The following MTFR1 variants were observed in gnomAD, a reference collection of about 807,000 sequenced individuals.
MTFR1 encodes mitochondrial fission regulator 1.
Under a neutral mutation model 38.8 loss-of-function variants are expected in MTFR1, and 28 were observed. The ratio of observed to expected loss-of-function variants is 0.72; its 90% CI spans 0.53 to 0.99. The LOEUF (loss-of-function observed/expected upper bound fraction) is 0.99, where lower values mean the gene tolerates loss of function less well. MTFR1 is among the 50% of genes least tolerant of loss of function. The pLI, the probability that MTFR1 is intolerant of heterozygous loss-of-function variation, is 0.00. For synonymous variants in MTFR1, 145 were observed against 137.0 expected (o/e 1.06, Z -0.41); for missense variants, 358 against 395.5 (o/e 0.91, Z 0.81).
At chr8:65,735,043 C>T (rs1276278424) in intron 3 of MTFR1, 4 of 617,018 alleles carry the variant, frequency 6.5e-6, no homozygotes. Flanking sequence ...AATCACCTCA[C>T]AACTCACATG....
rs563712272 is a variant in MTFR1, at chr8:65,765,317, G to A, written c.*49-5630G>A. On this transcript the variant is annotated intron_variant, in intron 3 of 3. Transcript: ENST00000521247. ...ATCCCGGCTAAAACGGTGAAACCCCGTCTCTACTAAAAATACAAAAAATTA... is the reference window on the plus strand; with the variant it reads ...ATCCCGGCTAAAACGGTGAAACCCCATCTCTACTAAAAATACAAAAAATTA... Among the ~76,000 whole-genome samples, 274 of 150,638 alleles carry A rather than the reference G, an allele frequency of 1.8e-3. 1 individual carries two copies. The highest frequency in any genetic ancestry group is 6.4e-3 in the African/African-American group (264 of 41,046).
At chr8:65,723,605 T>C (rs1448402881) in intron 3 of MTFR1, 3 of 1,565,306 alleles carry the variant, frequency 1.9e-6, no homozygotes, top group South Asian at 2.5e-5. Flanking sequence ...CCAAATGATA[T>C]TTTTTTTCTA....
intron 3 of MTFR1, chr8:65,722,373 A>G (rs996894027): frequency 3.9e-5 from 6 of 152,400 alleles, no homozygotes; most frequent in Admixed American, 2.6e-4. Flanking sequence ...TGCAATCACA[A>G]TGTAAGAATT....
At chr8:65,688,605 C>T (rs374719176) in intron 3 of MTFR1, among the ~76,000 whole-genome samples, 8 of 150,290 alleles carry the variant, frequency 5.3e-5, no homozygotes, top group Non-Finnish European at 8.9e-5. Flanking sequence ...CCCGCCACCA[C>T]GCCCAGCTAA....
chr8:65,768,013 G>A (rs74805159), intron 3 of MTFR1, among the ~76,000 whole-genome samples: 7,381 of 152,120 alleles, frequency 0.049, 240 homozygotes, highest in Non-Finnish European at 0.073. Flanking sequence ...AACCTGTGGG[G>A]TCTGACACTC....
At chr8:65,766,857 T>C (rs1808810919) in intron 3 of MTFR1, among the ~76,000 whole-genome samples, 1 of 152,188 alleles carries the variant, frequency 6.6e-6, no homozygotes, top group Non-Finnish European at 1.5e-5. Context: ...ATGGGTGTAA[T>C]ACTTAGATAT....
chr8:65,718,252 A>G (rs944872018), intron 2 of MTFR1: 2 of 152,298 alleles, frequency 1.3e-5, no homozygotes, highest in African/African-American at 4.8e-5. Flanking sequence ...ATGGAGAAAC[A>G]TAACATGCAC....
At chr8:65,670,049 C>G (rs565326753) in intron 2 of MTFR1, 31 bp downstream of exon 2, 2 of 1,545,648 alleles carry the variant, frequency 1.3e-6, no homozygotes, top group South Asian at 2.5e-5. Context: ...TTTTAAATCC[C>G]GACATTTAGA....
intron 3 of MTFR1, among the ~76,000 whole-genome samples, chr8:65,763,928 AAGATATTT>A (rs773788828): frequency 7.2e-5 from 11 of 152,240 alleles, no homozygotes; most frequent in Non-Finnish European, 1.3e-4. Context: ...CGAGTTAAGG[AAGATATTT>A]AGAAGACAGA....
intron 3 of MTFR1, chr8:65,747,846 T>C (rs200023064): frequency 9.6e-6 from 13 of 1,356,596 alleles, no homozygotes; most frequent in Non-Finnish European, 1.3e-5. Context: ...AAGTTAAAAT[T>C]ATACACATGC....
intron 3 of MTFR1, chr8:65,728,198 A>C (rs1806686854): frequency 6.6e-6 from 1 of 152,234 alleles, no homozygotes; most frequent in African/African-American, 2.4e-5. Flanking sequence ...TCTAACAGTG[A>C]AAATTTTTGA....
intron 3 of MTFR1, among the ~76,000 whole-genome samples, chr8:65,769,158 G>A (rs776094386): frequency 2.7e-5 from 4 of 147,248 alleles, no homozygotes; most frequent in African/African-American, 1.0e-4. Context: ...TGAGGCATGA[G>A]AATTGCTTGA....
At chr8:65,747,568 CTA>C (rs1227458634) in intron 3 of MTFR1, 6 of 803,852 alleles carry the variant, frequency 7.5e-6, no homozygotes. Flanking sequence ...GAAAAAGACT[CTA>C]TAAATCATTA....
intron 4 of MTFR1, among the ~76,000 whole-genome samples, chr8:65,694,084 T>G (rs1489109094): frequency 1.3e-5 from 2 of 150,196 alleles, no homozygotes; most frequent in African/African-American, 4.9e-5. Context: ...TTTTTTTTTT[T>G]TTTTTTTTTA....
chr8:65,676,687 T>C (rs1392482725), intron 2 of MTFR1, among the ~76,000 whole-genome samples: 1 of 151,930 alleles, frequency 6.6e-6, no homozygotes, highest in African/African-American at 2.4e-5. Flanking sequence ...TTTCTTAGAG[T>C]TAAATTTATA....
chr8:65,707,962 A>G lies in MTFR1; in HGVS notation c.884A>G (p.Glu295Gly). ...CGAAGTGATAGCCAAGATGAAGTTGAAAAAGGAATTCCAAAGTCTGAATCA... is the reference window on the plus strand; with the variant it reads ...CGAAGTGATAGCCAAGATGAAGTTGGAAAAGGAATTCCAAAGTCTGAATCA... ...RYRSDSQDEV[E>G]KGIPKSESEA... Residue 295 changes from glutamate to glycine, a missense_variant, in exon 7 of 8, where the codon GAA becomes GGA. Glu to Gly is a moderately conservative substitution (Grantham distance 98). Coordinates refer to ENST00000262146, the MANE Select transcript of MTFR1 (RefSeq NM_014637.4). The G allele has an allele frequency of 6.2e-7, 1 of 1,613,468 alleles. No homozygotes were observed. Among genetic ancestry groups the G allele is most frequent in the Non-Finnish European group, 8.5e-7 (1 of 1,179,686 alleles).
chr8:65,649,431 G>A (rs534677519), intron 1 of MTFR1, among the ~76,000 whole-genome samples: 13 of 152,086 alleles, frequency 8.5e-5, no homozygotes, highest in African/African-American at 3.1e-4. Flanking sequence ...GTGATCCACC[G>A]CCTCAGCCTC....
intron 1 of MTFR1, among the ~76,000 whole-genome samples, chr8:65,655,969 C>CATATATATATA: frequency 0.015 from 861 of 56,464 alleles, 180 homozygotes; most frequent in African/African-American, 0.078. Context: ...TATATATATA[C>CATATATATATA]CATATATATA....
chr8:65,756,051 T>G lies in MTFR1; in HGVS notation c.*49-14896T>G, dbSNP rs73693403. On this transcript the variant is annotated intron_variant, in intron 3 of 3. Coordinates refer to the MTFR1 transcript ENST00000521247. ...AAATATGGAATTCGTGGTTGACAGT[T>G]TTTTGTTTTTGTTTTCAGGACTGAC... 3.6e-3 allele frequency among the ~76,000 whole-genome samples: 542 copies of G among 152,360 alleles called. 3 individuals carry two copies. Among genetic ancestry groups the G allele is most frequent in the African/African-American group, 0.012 (493 of 41,580 alleles).
Sources: gnomAD v4.1 joint callset for allele counts (sites outside exome capture counted in the v4.1 genomes callset) on GRCh38, gnomAD v4.1.1 for gene constraint, MANE v1.5 for transcripts, NCBI Gene and HGNC (gene_info 2026-07-23, HGNC 2026-07-21) for gene names.